NEB: variants seen among roughly 807,000 people sequenced by gnomAD.
NEB encodes nemaline myopathy type 2.
Under a neutral mutation model 952.2 loss-of-function variants are expected in NEB, and 512 were observed. That is an observed-to-expected ratio of 0.54 (90% CI 0.50 to 0.58). NEB has a LOEUF of 0.58. Among genes scored for constraint, NEB ranks in the 20% least tolerant of loss-of-function variants. NEB has a pLI of 0.00. For synonymous variants in NEB, 2,900 were observed against 3,149.8 expected (o/e 0.92, Z 2.66); for missense variants, 8,428 against 9,231.1 (o/e 0.91, Z 3.56).
At chr2:151,564,532 C>A (rs763618298) in intron 117 of NEB, among the ~76,000 whole-genome samples, 1 of 152,178 alleles carries the variant, frequency 6.6e-6, no homozygotes, top group Non-Finnish European at 1.5e-5. Flanking sequence ...AGGGAGAGAA[C>A]TGGCAAATAT....
intron 11 of NEB, among the ~76,000 whole-genome samples, chr2:151,710,193 A>G (rs962593608): frequency 6.6e-6 from 1 of 152,260 alleles, no homozygotes; most frequent in Non-Finnish European, 1.5e-5. Flanking sequence ...AGAGGGTCTT[A>G]CCATAATGTG....
chr2:151,619,571 G>A lies in NEB; in HGVS notation c.10752C>T (p.Ala3584=). 1 of 1,613,916 alleles carries A rather than the reference G, an allele frequency of 6.2e-7. No homozygotes were observed. Among genetic ancestry groups the A allele is most frequent in the East Asian group, 2.2e-5 (1 of 44,868 alleles). ...SPVDMLGIVL[A]KKCQTLVSDV... is the part of the protein sequence containing the mutation. ...CGCTGACCAAGGTCTGACACTTCTT[G>A]GCCAAAACGATACCAAGCATGTCCA... is the stretch of plus-strand genomic sequence containing the variant. Residue 3584 remains alanine, a synonymous_variant, in exon 73 of 182, where the codon GCC becomes GCT. Coordinates refer to ENST00000397345, the MANE Select transcript of NEB (RefSeq NM_001164508.2).
intron 47 of NEB, among the ~76,000 whole-genome samples, chr2:151,658,379 G>A (rs1437584988): frequency 6.6e-6 from 1 of 152,064 alleles, no homozygotes; most frequent in Non-Finnish European, 1.5e-5. Context: ...GATTCTTATT[G>A]ATGCAAATAA....
chr2:151,520,231 G>A (rs549488623), intron 153 of NEB, among the ~76,000 whole-genome samples: 1 of 152,206 alleles, frequency 6.6e-6, no homozygotes, highest in East Asian at 1.9e-4. Context: ...AGAATTTATT[G>A]TTATTTTAAA....
At chr2:151,634,224 G>A (rs758243746) in intron 64 of NEB, among the ~76,000 whole-genome samples, 2 of 152,160 alleles carry the variant, frequency 1.3e-5, no homozygotes, top group Non-Finnish European at 2.9e-5. Flanking sequence ...GTGCATATGT[G>A]GGGAAAAGGT....
At chr2:151,661,574 G>A (rs2099150373) in intron 46 of NEB, among the ~76,000 whole-genome samples, 1 of 152,132 alleles carries the variant, frequency 6.6e-6, no homozygotes, top group Non-Finnish European at 1.5e-5. Context: ...TGTACTTGTT[G>A]GTCTTGATCT....
chr2:151,567,774 T>C (rs2096468220), intron 113 of NEB, among the ~76,000 whole-genome samples: 1 of 152,110 alleles, frequency 6.6e-6, no homozygotes, highest in African/African-American at 2.4e-5. Context: ...AATATTTTTA[T>C]TCAAAGGCCT....
intron 44 of NEB, 139 bp from the exon 45 acceptor site, chr2:151,663,998 A>AG: frequency 1.3e-6 from 1 of 778,616 alleles, no homozygotes; most frequent in East Asian, 2.7e-5. Flanking sequence ...CGTGAGAGGG[A>AG]GGGAGCAAAC....
intron 13 of NEB, among the ~76,000 whole-genome samples, chr2:151,698,635 ATT>A (rs1269569080): frequency 1.7e-3 from 223 of 130,518 alleles, no homozygotes; most frequent in African/African-American, 6.2e-3. Flanking sequence ...TACTTCATTA[ATT>A]TTTTTTTTTT....
Position 151,493,286 on chromosome 2 carries a change from G to GTTT in NEB, c.24765+64_24765+66dup, listed in dbSNP as rs753676768. On this transcript the variant is annotated intron_variant, in intron 176 of 181. Coordinates refer to ENST00000397345, the MANE Select transcript of NEB (RefSeq NM_001164508.2). ...TTTTTCAGTTGAATGAGAAAGGCGTGTTTTTATGATGTTAAAATGTTATTT... is the reference window on the plus strand; with the variant it reads ...TTTTTCAGTTGAATGAGAAAGGCGTGTTTTTTTTATGATGTTAAAATGTTATTT... The GTTT allele has an allele frequency of 1.3e-4, 159 of 1,235,906 alleles. 1 individual carries two copies. The South Asian group carries it at 1.5e-3, about 11-fold the overall frequency. The allele number at this position is 1,235,906 out of a possible 1,614,324, so 76.6% of individuals were successfully genotyped here. A position where few individuals can be genotyped will look rare whatever the true frequency, so the allele number is the denominator to read the frequency against.
intron 46 of NEB, among the ~76,000 whole-genome samples, chr2:151,660,180 C>G (rs977361980): frequency 6.6e-6 from 1 of 152,186 alleles, no homozygotes; most frequent in African/African-American, 2.4e-5. Context: ...CTGACAGAGA[C>G]ACTTGAGAGC....
chr2:151,640,381 G>C lies in NEB; in HGVS notation c.8659C>G (p.Arg2887Gly), dbSNP rs748618562. The C allele has an allele frequency of 6.2e-7, 1 of 1,613,782 alleles. No homozygotes were observed. Among genetic ancestry groups the C allele is most frequent in the Non-Finnish European group, 8.5e-7 (1 of 1,179,872 alleles). The change falls in exon 61 of 182, where the codon CGG (arginine) becomes GGG (glycine). Residue 2887 changes from arginine to glycine, a missense_variant. Physicochemically the swap from Arg to Gly is moderately radical, Grantham distance 125 (BLOSUM62 -2). Around this residue, in one of 11 missense-constraint regions of NEB, gnomAD observed 1,772 missense variants for 1,960.3 expected, o/e 0.90. Coordinates refer to ENST00000397345, the MANE Select transcript of NEB (RefSeq NM_001164508.2). The part of the protein sequence containing the change: ...LPDQSDVIHA[R>G]QAYDLQSDNM... Reference sequence around the variant, plus strand: ...TCGCTCTGGAGGTCATAGGCCTGCCGAGCATGGATGACGTCGCTCTGGTCG... The same window carrying C: ...TCGCTCTGGAGGTCATAGGCCTGCCCAGCATGGATGACGTCGCTCTGGTCG...
chr2:151,559,830 A>G (rs1251535193), intron 124 of NEB, among the ~76,000 whole-genome samples: 3 of 152,148 alleles, frequency 2.0e-5, no homozygotes, highest in Non-Finnish European at 2.9e-5. Context: ...TAGGAGAAAT[A>G]CCTAATGTAG....
intron 71 of NEB, among the ~76,000 whole-genome samples, chr2:151,622,730 A>G (rs2098444047): frequency 6.6e-6 from 1 of 152,216 alleles, no homozygotes; most frequent in Non-Finnish European, 1.5e-5. Context: ...TATCAGACTC[A>G]GGAAATTTAA....
At position 151,730,270 on chromosome 2, in the gene NEB, C is replaced by G. The variant is rs139844745; in HGVS notation, c.37-614G>C. Among the ~76,000 whole-genome samples the G allele has an allele frequency of 2.2e-3, 334 of 152,180 alleles. 2 individuals are homozygous for G. Among genetic ancestry groups the G allele is most frequent in the Non-Finnish European group, 4.0e-3 (269 of 67,996 alleles). On this transcript the variant is annotated intron_variant, in intron 3 of 181. Transcript: ENST00000397345. ...AAACAGAGTGGTGCTAATATGAAAA[C>G]TGGTAAATGCCAAGTAATGAAGGGG...
At chr2:151,666,513 T>A (rs1448849296) in intron 40 of NEB, 112 bp from the exon 41 acceptor site, 4 of 1,057,336 alleles carry the variant, frequency 3.8e-6, no homozygotes, top group Non-Finnish European at 4.0e-6. Context: ...CTAGGTAACA[T>A]CGAAGTTTTT....
intron 181 of NEB, chr2:151,486,185 C>A: frequency 2.3e-6 from 1 of 436,978 alleles, no homozygotes; most frequent in Non-Finnish European, 4.1e-6. Flanking sequence ...CCAAAAGAGG[C>A]AAAGGATATG....
At chr2:151,557,440 C>A (rs761326289) in intron 124 of NEB, among the ~76,000 whole-genome samples, 1 of 152,136 alleles carries the variant, frequency 6.6e-6, no homozygotes, top group Admixed American at 6.5e-5. Flanking sequence ...ACCAGAGGTA[C>A]AAGGAGGAGC....
chr2:151,695,474 C>A, intron 18 of NEB, 104 bp downstream of exon 18: 1 of 805,494 alleles, frequency 1.2e-6, no homozygotes, highest in Non-Finnish European at 2.0e-6. Flanking sequence ...AACAGTTCTT[C>A]TCATTTTTAA....
Sources: allele counts gnomAD v4.1 joint callset (sites outside exome capture counted in the v4.1 genomes callset), GRCh38; gene constraint gnomAD v4.1.1; regional missense constraint gnomAD v4.1.1; transcripts MANE v1.5; gene names NCBI Gene and HGNC (gene_info 2026-07-23, HGNC 2026-07-21).